The following EBF1 variants were observed in gnomAD, a reference collection of about 807,000 sequenced individuals.
EBF1 encodes transcription factor COE1.
A neutral mutation model predicts 68.4 loss-of-function variants in EBF1; 10 were observed. The observed-to-expected ratio is 0.15, with a 90% CI of 0.09 to 0.25. The LOEUF (loss-of-function observed/expected upper bound fraction) is 0.25. Ranked by LOEUF, EBF1 falls within the 10% of genes least tolerant of loss-of-function variation. The pLI is 1.00. For synonymous variants in EBF1, 298 were observed against 299.8 expected, an observed-to-expected ratio of 0.99 and a Z score of 0.06; for missense variants, 509 against 794.4, an observed-to-expected ratio of 0.64 and a Z score of 4.32.
intron 6 of EBF1, among the ~76,000 whole-genome samples, chr5:158,900,587 C>T (rs1458358984): frequency 6.6e-6 from 1 of 152,190 alleles, no homozygotes; most frequent in Non-Finnish European, 1.5e-5. Context: ...TAACTACTTC[C>T]TTGACTTGCT....
intron 4 of EBF1, among the ~76,000 whole-genome samples, chr5:159,090,895 T>C (rs1263516281): frequency 6.6e-6 from 1 of 152,158 alleles, no homozygotes; most frequent in Admixed American, 6.5e-5. Context: ...TCTTAACATG[T>C]ATGAAGTTAT....
rs577680016 is a variant in EBF1 at position 158,700,428 on chromosome 5, G to A, written c.1745-1286C>T. On this transcript the variant is annotated intron_variant, in intron 15 of 15. Coordinates refer to ENST00000313708, the MANE Select transcript of EBF1 (RefSeq NM_024007.5). ...CTTTCTTTTTATGGCAAATCTAAAC[G>A]TAAATTAATTAGTGTTCTTGTCAGT... Among the ~76,000 whole-genome samples the A allele has an allele frequency of 7.9e-5, 12 of 151,570 alleles. No homozygotes were observed. The South Asian group carries it at 2.1e-3, about 27-fold the overall frequency.
chr5:158,998,519 C>T (rs986135256), intron 6 of EBF1, among the ~76,000 whole-genome samples: 3 of 152,146 alleles, frequency 2.0e-5, no homozygotes, highest in Non-Finnish European at 2.9e-5. Context: ...GACAGGTATT[C>T]GATACATAAC....
intron 10 of EBF1, among the ~76,000 whole-genome samples, chr5:158,731,601 A>G (rs894532128): frequency 6.6e-6 from 1 of 152,238 alleles, no homozygotes; most frequent in Non-Finnish European, 1.5e-5. Flanking sequence ...AGCTGATACA[A>G]TATCTCAGCA....
intron 6 of EBF1, among the ~76,000 whole-genome samples, chr5:159,008,141 T>A (rs555296596): frequency 6.6e-5 from 10 of 152,304 alleles, no homozygotes; most frequent in African/African-American, 2.4e-4. Flanking sequence ...ATTATTTCTA[T>A]TGAAACAAGT....
In EBF1 at chr5:158,698,442, G is replaced by GCTTAAGA; in HGVS notation, c.*668_*669insTCTTAAG. ...ACATCGCGTTTTAACTTTCCAGGCT[G>GCTTAAGA]CATTTATTTACACAGTTGCTTAAGA... is the stretch of plus-strand genomic sequence containing the variant. On this transcript the variant is annotated 3_prime_UTR_variant, in exon 16 of 16. Coordinates refer to ENST00000313708, the MANE Select transcript of EBF1 (RefSeq NM_024007.5). The GCTTAAGA allele has an allele frequency of 4.5e-6, 1 of 221,948 alleles. No homozygotes were observed. Among genetic ancestry groups the GCTTAAGA allele is most frequent in the Non-Finnish European group, 9.0e-6 (1 of 110,646 alleles). The allele number at this position is 221,948 out of a possible 1,614,324, so 13.7% of individuals were successfully genotyped here.
At chr5:158,984,427 A>G (rs1758559941) in intron 6 of EBF1, among the ~76,000 whole-genome samples, 1 of 152,164 alleles carries the variant, frequency 6.6e-6, no homozygotes, top group Admixed American at 6.5e-5. Context: ...ATCACTTGTT[A>G]AGGGAAATAA....
intron 6 of EBF1, among the ~76,000 whole-genome samples, chr5:159,021,789 C>T (rs903052369): frequency 2.0e-5 from 3 of 152,180 alleles, no homozygotes; most frequent in African/African-American, 7.2e-5. Flanking sequence ...ATACAACCAA[C>T]CCAGCTGGAA....
At chr5:158,846,425 A>C (rs552618081) in intron 6 of EBF1, among the ~76,000 whole-genome samples, 2 of 152,304 alleles carry the variant, frequency 1.3e-5, no homozygotes, top group South Asian at 4.1e-4. Context: ...TCTAAGGATT[A>C]TCTCCCAAAT....
At chr5:158,782,689 A>G (rs906738653) in intron 9 of EBF1, among the ~76,000 whole-genome samples, 2 of 152,116 alleles carry the variant, frequency 1.3e-5, no homozygotes, top group African/African-American at 4.8e-5. Flanking sequence ...ATAAAATAAA[A>G]AACAAATTAA....
At chr5:158,819,451 G>A (rs905185599) in intron 8 of EBF1, among the ~76,000 whole-genome samples, 1 of 152,332 alleles carries the variant, frequency 6.6e-6, no homozygotes, top group African/African-American at 2.4e-5. Context: ...GCCACAGGGG[G>A]AAGAAACAGA....
At chr5:158,958,919 A>T (rs1817649677) in intron 6 of EBF1, among the ~76,000 whole-genome samples, 2 of 152,164 alleles carry the variant, frequency 1.3e-5, no homozygotes, top group African/African-American at 4.8e-5. Flanking sequence ...GGTATTTTGG[A>T]TATCAGGAAT....
At chr5:159,088,280 C>G (rs1781065105) in intron 4 of EBF1, among the ~76,000 whole-genome samples, 1 of 152,128 alleles carries the variant, frequency 6.6e-6, no homozygotes, top group African/African-American at 2.4e-5. Context: ...ATGAATGTCT[C>G]TGATGCAGAG....
At chr5:159,085,146 T>C (rs1236102402) in intron 4 of EBF1, among the ~76,000 whole-genome samples, 1 of 152,258 alleles carries the variant, frequency 6.6e-6, no homozygotes, top group Non-Finnish European at 1.5e-5. Flanking sequence ...CTCCTCACTT[T>C]ACTACTTCCA....
At chr5:158,810,494 C>T (rs981803764) in intron 8 of EBF1, among the ~76,000 whole-genome samples, 13 of 152,196 alleles carry the variant, frequency 8.5e-5, no homozygotes, top group Middle Eastern at 6.8e-3. Flanking sequence ...GCCCCAAGGA[C>T]GATGAAAGAA....
intron 7 of EBF1, among the ~76,000 whole-genome samples, chr5:158,833,760 T>C (rs1788124203): frequency 6.6e-6 from 1 of 152,214 alleles, no homozygotes; most frequent in Non-Finnish European, 1.5e-5. Flanking sequence ...TGTACCATTA[T>C]GTGAGCAAGA....
chr5:158,872,215 G>A (rs1337515745), intron 6 of EBF1, among the ~76,000 whole-genome samples: 2 of 132,062 alleles, frequency 1.5e-5, no homozygotes, highest in Non-Finnish European at 3.2e-5. Context: ...TTTTTTTTTT[G>A]AGATGGAGCC....
At chr5:159,009,599 T>C (rs1170249805) in intron 6 of EBF1, among the ~76,000 whole-genome samples, 1 of 152,054 alleles carries the variant, frequency 6.6e-6, no homozygotes, top group African/African-American at 2.4e-5. Context: ...ATAACTATTT[T>C]AGACATCACA....
intron 11 of EBF1, among the ~76,000 whole-genome samples, chr5:158,729,739 T>C (rs1763695229): frequency 1.3e-5 from 2 of 152,242 alleles, no homozygotes; most frequent in South Asian, 4.1e-4. Context: ...AGTGAGGTTG[T>C]TCTTGGAAAT....
Sources: gnomAD v4.1 joint callset for allele counts (sites outside exome capture counted in the v4.1 genomes callset) on GRCh38, gnomAD v4.1.1 for gene constraint, MANE v1.5 for transcripts, NCBI Gene and HGNC (gene_info 2026-07-23, HGNC 2026-07-21) for gene names.